LGSN: variants seen among roughly 807,000 people sequenced by gnomAD.
LGSN encodes lengsin.
Under a neutral mutation model 19.5 loss-of-function variants are expected in LGSN, and 21 were observed. The ratio of observed to expected loss-of-function variants is 1.07; its 90% CI spans 0.76 to 1.55. LGSN has a LOEUF of 1.55. Among genes scored for constraint, LGSN ranks in the 40% most tolerant of loss-of-function variants. The pLI is 0.00. For missense variants in LGSN, 673 were observed against 608.5 expected (o/e 1.11, Z -1.12); for synonymous variants, 257 against 215.6 (o/e 1.19, Z -1.68).
chr6:63,504,244 CT>C, the LGSN span, among the ~76,000 whole-genome samples: 95 of 144,154 alleles, frequency 6.6e-4, no homozygotes, highest in South Asian at 2.0e-3. Flanking sequence ...TCAAGCGATT[CT>C]TTTTTTTTTT....
At chr6:63,483,801 CCTTTTTTT>C in the LGSN span, among the ~76,000 whole-genome samples, 2 of 151,746 alleles carry the variant, frequency 1.3e-5, no homozygotes, top group Non-Finnish European at 2.9e-5. Context: ...CTTCTTTTTT[CCTTTTTTT>C]CTTTTCTTTT....
At chr6:63,540,772 G>A in the LGSN span, among the ~76,000 whole-genome samples, 3 of 151,536 alleles carry the variant, frequency 2.0e-5, no homozygotes, top group East Asian at 1.9e-4. Context: ...GCGGGGAGAC[G>A]TAGAAATAGC....
At chr6:63,505,328 G>A in the LGSN span, among the ~76,000 whole-genome samples, 3 of 151,746 alleles carry the variant, frequency 2.0e-5, no homozygotes, top group Non-Finnish European at 4.4e-5. Flanking sequence ...TGTAATCCCA[G>A]CACTTTGGGA....
the LGSN span, among the ~76,000 whole-genome samples, chr6:63,331,083 T>G: frequency 1.9e-3 from 284 of 151,610 alleles, no homozygotes; most frequent in African/African-American, 5.8e-3. Flanking sequence ...GCCCGGGGGG[T>G]TTTGTGGTCC....
chr6:63,412,771 G>GAGAAA, the LGSN span, among the ~76,000 whole-genome samples: 21 of 34,290 alleles, frequency 6.1e-4, no homozygotes, highest in Non-Finnish European at 7.2e-4. Flanking sequence ...AAGAAAGAAA[G>GAGAAA]GAAGGAAGGG....
chr6:63,421,130 T>C, the LGSN span, among the ~76,000 whole-genome samples: 1 of 152,052 alleles, frequency 6.6e-6, no homozygotes, highest in Non-Finnish European at 1.5e-5. Flanking sequence ...CAATAGAAAT[T>C]ATTCAGTCTG....
At chr6:63,516,144 A>G in the LGSN span, among the ~76,000 whole-genome samples, 1 of 152,232 alleles carries the variant, frequency 6.6e-6, no homozygotes, top group African/African-American at 2.4e-5. Context: ...TAATGAAGTT[A>G]AAACCTGTTG....
chr6:63,452,405 C>T, the LGSN span, among the ~76,000 whole-genome samples: 1 of 152,082 alleles, frequency 6.6e-6, no homozygotes, highest in Admixed American at 6.6e-5. Flanking sequence ...TGAGCCACCA[C>T]ACCCAGCAAC....
At chr6:63,438,576 T>C in the LGSN span, among the ~76,000 whole-genome samples, 1 of 151,844 alleles carries the variant, frequency 6.6e-6, no homozygotes, top group Non-Finnish European at 1.5e-5. Context: ...AAAGAAGACA[T>C]TTATGCAGCC....
the LGSN span, among the ~76,000 whole-genome samples, chr6:63,429,410 G>A: frequency 2.6e-5 from 4 of 152,164 alleles, no homozygotes; most frequent in Admixed American, 2.0e-4. Flanking sequence ...TGGACCAGCC[G>A]AAAGTATACA....
chr6:63,510,520 AT>A, the LGSN span, among the ~76,000 whole-genome samples: 11 of 131,506 alleles, frequency 8.4e-5, no homozygotes, highest in East Asian at 9.1e-4. Flanking sequence ...TAATATTTAG[AT>A]TTTTTTCCCC....
At chr6:63,315,695 A>G (rs1474962390) in intron 1 of LGSN, among the ~76,000 whole-genome samples, 1 of 151,124 alleles carries the variant, frequency 6.6e-6, no homozygotes, top group African/African-American at 2.4e-5. Context: ...ATAAATATAT[A>G]GATATATATT....
chr6:63,483,354 T>A, the LGSN span, among the ~76,000 whole-genome samples: 1 of 145,702 alleles, frequency 6.9e-6, no homozygotes, highest in African/African-American at 2.6e-5. Flanking sequence ...TAGGGAGAAG[T>A]GGAAAAGGAA....
At chr6:63,525,582 ACT>A in the LGSN span, among the ~76,000 whole-genome samples, 2 of 151,492 alleles carry the variant, frequency 1.3e-5, no homozygotes, top group South Asian at 4.2e-4. Context: ...GCTCCACTGG[ACT>A]CTCCTCTGCG....
At chr6:63,324,427 A>AT (rs753931349), upstream of LGSN, among the ~76,000 whole-genome samples, 46 of 152,356 alleles carry the variant, frequency 3.0e-4, no homozygotes, top group Non-Finnish European at 6.0e-4. Flanking sequence ...ATTGTGTAAG[A>AT]TATTAAATGA....
At chr6:63,297,150 G>A (rs1358164283) in intron 1 of LGSN, among the ~76,000 whole-genome samples, 1 of 152,014 alleles carries the variant, frequency 6.6e-6, no homozygotes. Context: ...GACCAGCCTG[G>A]TCAACATGGT....
At chr6:63,550,044 C>T in the LGSN span, among the ~76,000 whole-genome samples, 13 of 152,178 alleles carry the variant, frequency 8.5e-5, no homozygotes, top group South Asian at 2.1e-4. Context: ...ATATGTTATA[C>T]GTGTCATATC....
the LGSN span, among the ~76,000 whole-genome samples, chr6:63,408,379 A>T: frequency 6.8e-6 from 1 of 147,900 alleles, no homozygotes; most frequent in South Asian, 2.2e-4. Context: ...AACGCCACAT[A>T]TCTACAACTA....
the LGSN span, among the ~76,000 whole-genome samples, chr6:63,385,955 C>T: frequency 6.6e-6 from 1 of 152,184 alleles, no homozygotes; most frequent in East Asian, 1.9e-4. Flanking sequence ...TTCCTGACAC[C>T]AACTACTTTA....
Sources: gnomAD v4.1 joint callset for allele counts (sites outside exome capture counted in the v4.1 genomes callset) on GRCh38, gnomAD v4.1.1 for gene constraint, MANE v1.5 for transcripts, NCBI Gene and HGNC (gene_info 2026-07-23, HGNC 2026-07-21) for gene names.